PLCB4: variants seen among roughly 807,000 people sequenced by gnomAD.
PLCB4 encodes the protein phospholipase C beta 4, also known as 1-phosphatidylinositol 4,5-bisphosphate phosphodiesterase beta-4.
A neutral mutation model predicts 178.8 loss-of-function variants in PLCB4; 77 were observed. The ratio of observed to expected loss-of-function variants is 0.43; its 90% confidence interval spans 0.36 to 0.52. The LOEUF is 0.52. Among genes scored for constraint, PLCB4 ranks in the 20% least tolerant of loss-of-function variants. The pLI, the probability that PLCB4 is intolerant of heterozygous loss-of-function variation, is 0.00. For synonymous variants in PLCB4, 496 were observed against 490.8 expected (o/e 1.01, Z -0.14); for missense variants, 1,024 against 1,453.4 (o/e 0.70, Z 4.80).
chr20:9,154,928 C>A (rs2092760641), intron 2 of PLCB4, among the ~76,000 whole-genome samples: 1 of 133,422 alleles, frequency 7.5e-6, no homozygotes, highest in African/African-American at 2.9e-5. Context: ...TCCTTCCTTC[C>A]TTCCTTCCTT....
chr20:9,170,916 G>A (rs183464004), intron 2 of PLCB4, among the ~76,000 whole-genome samples: 6 of 152,282 alleles, frequency 3.9e-5, no homozygotes, highest in African/African-American at 9.6e-5. Flanking sequence ...CTAACATAGC[G>A]GTAGGGATAT....
intron 3 of PLCB4, among the ~76,000 whole-genome samples, chr20:9,251,264 T>C (rs1173216655): frequency 6.6e-6 from 1 of 152,200 alleles, no homozygotes; most frequent in Non-Finnish European, 1.5e-5. Context: ...CTAATGAAAG[T>C]GTGGTCCTCA....
chr20:9,139,523 C>T (rs1269887237), intron 2 of PLCB4, among the ~76,000 whole-genome samples: 1 of 152,042 alleles, frequency 6.6e-6, no homozygotes, highest in African/African-American at 2.4e-5. Context: ...AGTGAGGGAG[C>T]TGGCTTCCAA....
chr20:9,326,577 C>T (rs948100389), intron 4 of PLCB4, among the ~76,000 whole-genome samples: 3 of 152,128 alleles, frequency 2.0e-5, no homozygotes, highest in Non-Finnish European at 4.4e-5. Flanking sequence ...CATCTGAGAA[C>T]GTGCTCTGTC....
chr20:9,392,078 T>A (rs2038193737), intron 17 of PLCB4, among the ~76,000 whole-genome samples: 1 of 152,222 alleles, frequency 6.6e-6, no homozygotes, highest in African/African-American at 2.4e-5. Context: ...ACCTAGGCCC[T>A]CCATTTATCT....
chr20:9,325,010 T>G (rs2030217355), intron 4 of PLCB4, among the ~76,000 whole-genome samples: 2 of 152,250 alleles, frequency 1.3e-5, no homozygotes, highest in East Asian at 3.8e-4. Context: ...GTTTAAAATA[T>G]TTTTTCATAG....
intron 19 of PLCB4, among the ~76,000 whole-genome samples, chr20:9,396,911 G>A (rs1306038119): frequency 1.3e-5 from 2 of 152,170 alleles, no homozygotes; most frequent in African/African-American, 4.8e-5. Flanking sequence ...GGAGGGTCTT[G>A]CCTTGAGTGA....
intron 10 of PLCB4, 141 bp from the exon 11 acceptor site, chr20:9,372,162 C>A: frequency 1.7e-6 from 1 of 575,676 alleles, no homozygotes; most frequent in South Asian, 2.4e-5. Flanking sequence ...TGGAAGTTGG[C>A]CTCCTGGCTT....
chr20:9,146,227 A>G (rs763307993), intron 2 of PLCB4, among the ~76,000 whole-genome samples: 3 of 152,090 alleles, frequency 2.0e-5, no homozygotes, highest in Admixed American at 6.6e-5. Flanking sequence ...CATAGATCCA[A>G]ATTAATGTGA....
At chr20:9,408,760 G>A (rs778580241) in intron 23 of PLCB4, 43 bp downstream of exon 23, 2 of 1,024,138 alleles carry the variant, frequency 2.0e-6, no homozygotes, top group Non-Finnish European at 3.1e-6. Flanking sequence ...GACTCACGTT[G>A]GTTTGGCAAG....
At chr20:9,403,388 G>T (rs771523093) in intron 20 of PLCB4, among the ~76,000 whole-genome samples, 4 of 152,122 alleles carry the variant, frequency 2.6e-5, no homozygotes, top group Non-Finnish European at 5.9e-5. Context: ...GGGAAATTAG[G>T]CAGTGACACC....
chr20:9,182,669 C>T (rs987535014), intron 2 of PLCB4, among the ~76,000 whole-genome samples: 5 of 152,140 alleles, frequency 3.3e-5, no homozygotes, highest in African/African-American at 4.8e-5. Flanking sequence ...AATGAACTCC[C>T]AGCTCAGGCG....
intron 3 of PLCB4, among the ~76,000 whole-genome samples, chr20:9,286,699 G>A (rs1055459017): frequency 1.3e-5 from 2 of 152,002 alleles, no homozygotes; most frequent in Non-Finnish European, 2.9e-5. Flanking sequence ...ACGCCAGTGA[G>A]GTCATTCTGA....
intron 3 of PLCB4, among the ~76,000 whole-genome samples, chr20:9,239,435 C>A (rs1007231497): frequency 6.6e-6 from 1 of 152,124 alleles, no homozygotes. Flanking sequence ...ATGGCTGACC[C>A]CTATAACAAA....
chr20:9,274,057 T>A (rs1406832772), intron 3 of PLCB4, among the ~76,000 whole-genome samples: 1 of 152,000 alleles, frequency 6.6e-6, no homozygotes, highest in Admixed American at 6.6e-5. Context: ...ACTTCGTAAC[T>A]GATTGGCTGG....
At chr20:9,104,644 C>T (rs1041050750) in intron 2 of PLCB4, among the ~76,000 whole-genome samples, 1 of 152,086 alleles carries the variant, frequency 6.6e-6, no homozygotes, top group Non-Finnish European at 1.5e-5. Context: ...TATTAGTTTA[C>T]CCTATTCCTT....
intron 3 of PLCB4, among the ~76,000 whole-genome samples, chr20:9,282,901 A>G (rs1394659556): frequency 6.6e-6 from 1 of 152,000 alleles, no homozygotes; most frequent in Non-Finnish European, 1.5e-5. Context: ...TAAACATGAT[A>G]ATCTCAGGGT....
chr20:9,442,393 A>G (rs896837334), intron 30 of PLCB4, among the ~76,000 whole-genome samples: 3 of 150,746 alleles, frequency 2.0e-5, no homozygotes, highest in Non-Finnish European at 3.0e-5. Context: ...TTTTTTTTCT[A>G]ACTAAATCAC....
intron 8 of PLCB4, among the ~76,000 whole-genome samples, chr20:9,364,175 T>C (rs2035584247): frequency 6.6e-6 from 1 of 152,078 alleles, no homozygotes. Context: ...TCCTCTGCAG[T>C]TGCCCTGGCA....
Sources: gnomAD v4.1 joint callset for allele counts (sites outside exome capture counted in the v4.1 genomes callset) on GRCh38, gnomAD v4.1.1 for gene constraint, MANE v1.5 for transcripts, NCBI Gene and HGNC (gene_info 2026-07-23, HGNC 2026-07-21) for gene names.